The following SLAMF1 variants were observed in gnomAD, a reference collection of about 807,000 sequenced individuals.
The protein encoded by SLAMF1 is signaling lymphocytic activation molecule.
In SLAMF1, 18 loss-of-function variants were observed where a neutral mutation model predicts 35.1. That is an observed-to-expected ratio of 0.51 (90% confidence interval 0.35 to 0.76). The LOEUF (loss-of-function observed/expected upper bound fraction) is 0.76, where lower values mean the gene tolerates loss of function less well. SLAMF1 is among the 30% of genes least tolerant of loss of function. The pLI, the probability that SLAMF1 is intolerant of heterozygous loss-of-function variation, is 0.01. For missense variants in SLAMF1, 392 were observed against 413.0 expected (o/e 0.95, Z 0.44); for synonymous variants, 168 against 157.2 (o/e 1.07, Z -0.51).
intron 3 of SLAMF1, among the ~76,000 whole-genome samples, chr1:160,627,094 G>A (rs1431143430): frequency 6.6e-6 from 1 of 152,192 alleles, no homozygotes; most frequent in Non-Finnish European, 1.5e-5. Flanking sequence ...AGATAGATAA[G>A]TTCAAATTCT....
At chr1:160,626,655 G>A (rs1659896801) in intron 3 of SLAMF1, among the ~76,000 whole-genome samples, 1 of 152,176 alleles carries the variant, frequency 6.6e-6, no homozygotes, top group Non-Finnish European at 1.5e-5. Flanking sequence ...GTCAGTGGCA[G>A]AGCTGGATAA....
At chr1:160,636,713 T>A (rs1660471069) in intron 2 of SLAMF1, among the ~76,000 whole-genome samples, 1 of 152,224 alleles carries the variant, frequency 6.6e-6, no homozygotes, top group Non-Finnish European at 1.5e-5. Context: ...GGCTGAATTT[T>A]AGCCATCTTT....
At chr1:160,634,292 C>T (rs61801586) in intron 3 of SLAMF1, 1 of 488,594 alleles carries the variant, frequency 2.0e-6, no homozygotes, top group Non-Finnish European at 2.7e-6. Flanking sequence ...GCCCTCCCAC[C>T]TGCAATCCCT....
At chr1:160,638,912 C>T (rs1205329809) in intron 1 of SLAMF1, among the ~76,000 whole-genome samples, 1 of 152,200 alleles carries the variant, frequency 6.6e-6, no homozygotes, top group Non-Finnish European at 1.5e-5. Flanking sequence ...TTCTGCTCTT[C>T]TGGACTTCTA....
At chr1:160,636,048 G>C (rs185191038) in intron 2 of SLAMF1, among the ~76,000 whole-genome samples, 72 of 152,226 alleles carry the variant, frequency 4.7e-4, no homozygotes, top group Non-Finnish European at 8.8e-4. Context: ...TCTTCCTTTG[G>C]CTTGAGAAAA....
At chr1:160,640,142 C>T (rs1300942855) in intron 1 of SLAMF1, among the ~76,000 whole-genome samples, 2 of 151,534 alleles carry the variant, frequency 1.3e-5, no homozygotes, top group African/African-American at 2.4e-5. Context: ...TTGTCTCTCC[C>T]ACTAGAATGC....
chr1:160,637,653 A>T (rs1175015052), intron 1 of SLAMF1, 124 bp from the exon 2 acceptor site: 6 of 668,988 alleles, frequency 9.0e-6, no homozygotes, highest in Non-Finnish European at 1.3e-5. Flanking sequence ...TGGGGTTGCC[A>T]AGTCCTTCGT....
chr1:160,636,199 G>A (rs974322824), intron 2 of SLAMF1, among the ~76,000 whole-genome samples: 1 of 152,196 alleles, frequency 6.6e-6, no homozygotes, highest in Non-Finnish European at 1.5e-5. Flanking sequence ...CAGCCTCCAC[G>A]CTCATGGCAG....
intron 3 of SLAMF1, among the ~76,000 whole-genome samples, chr1:160,631,959 A>G (rs1241418814): frequency 6.6e-6 from 1 of 152,136 alleles, no homozygotes; most frequent in African/African-American, 2.4e-5. Flanking sequence ...TGGACACAGA[A>G]ATACACATAG....
At chr1:160,619,905 T>G in intron 4 of SLAMF1, 56 bp from the exon 5 acceptor site, 1 of 1,160,996 alleles carries the variant, frequency 8.6e-7, no homozygotes, top group Non-Finnish European at 1.3e-6. Context: ...AGGAGCTCCT[T>G]ACTCAGACCT....
chr1:160,632,519 T>C (rs1466882336), intron 3 of SLAMF1, among the ~76,000 whole-genome samples: 1 of 152,198 alleles, frequency 6.6e-6, no homozygotes, highest in Non-Finnish European at 1.5e-5. Flanking sequence ...CATGTTTTCT[T>C]AGAACGTCCT....
At position 160,612,509 on chromosome 1, in the gene SLAMF1, C is replaced by T; in HGVS notation, c.936G>A (p.Glu312=). Residue 312 remains glutamate (E), a synonymous_variant, in exon 6 of 7, where the codon GAG becomes GAA. Transcript: ENST00000302035. ...TCACCTGGACAGACTCTGGGACAGGCTCTGTGGCAGCAACATATATGGTGG... is the reference window on the plus strand; with the variant it reads ...TCACCTGGACAGACTCTGGGACAGGTTCTGTGGCAGCAACATATATGGTGG... The part of the protein sequence containing the change: ...PCTTIYVAAT[E]PVPESVQETN... 2.5e-6 allele frequency: 4 copies of T among 1,611,560 alleles called. No homozygotes were observed. Among genetic ancestry groups the T allele is most frequent in the Non-Finnish European group, 1.7e-6 (2 of 1,178,208 alleles).
At chr1:160,638,328 T>A (rs1379275618) in intron 1 of SLAMF1, among the ~76,000 whole-genome samples, 1 of 152,134 alleles carries the variant, frequency 6.6e-6, no homozygotes, top group Non-Finnish European at 1.5e-5. Context: ...AAAGAGAACT[T>A]CCACTTATTA....
At chr1:160,627,216 G>A (rs1404776857) in intron 3 of SLAMF1, among the ~76,000 whole-genome samples, 1 of 152,168 alleles carries the variant, frequency 6.6e-6, no homozygotes, top group African/African-American at 2.4e-5. Context: ...GTGTTGTTCT[G>A]AGAAACCCAT....
chr1:160,631,889 A>T (rs887835830), intron 3 of SLAMF1, among the ~76,000 whole-genome samples: 7 of 152,168 alleles, frequency 4.6e-5, no homozygotes, highest in African/African-American at 1.7e-4. Flanking sequence ...CAGCCCTAGC[A>T]AACTGAGACA....
chr1:160,618,432 G>T (rs889191139), intron 5 of SLAMF1, among the ~76,000 whole-genome samples: 1 of 151,778 alleles, frequency 6.6e-6, no homozygotes, highest in African/African-American at 2.4e-5. Flanking sequence ...GTAAAATGGA[G>T]GAGAGGACTA....
At chr1:160,619,310 C>T (rs72708857) in intron 5 of SLAMF1, among the ~76,000 whole-genome samples, 6,975 of 152,212 alleles carry the variant, frequency 0.046, 226 homozygotes, top group Middle Eastern at 0.12. Context: ...TCTCATCTTT[C>T]ATCTCTTTAA....
intron 3 of SLAMF1, among the ~76,000 whole-genome samples, chr1:160,631,389 G>A (rs952135692): frequency 6.6e-6 from 1 of 152,108 alleles, no homozygotes; most frequent in Non-Finnish European, 1.5e-5. Context: ...AAATTCATAT[G>A]TTGATTTCCT....
chr1:160,619,797 A>G lies in SLAMF1; in HGVS notation c.843T>C (p.Tyr281=), dbSNP rs904458133. The change falls in exon 5 of 7, where the codon TAT becomes TAC. Residue 281 remains tyrosine, a synonymous_variant. Transcript: ENST00000302035. ...TTACACCTGGTTTCTGGACTTGGGC[A>G]TAGATCGTAAGGCTTTTTTTTTCCA... is the stretch of plus-strand genomic sequence containing the variant. The part of the protein sequence containing the change: ...TTVEKKSLTI[Y]AQVQKPGPLQ... 6.2e-7 allele frequency: 1 copy of G among 1,611,584 alleles called. No individual in the cohort carries two copies. The highest frequency in any genetic ancestry group is 8.5e-7 in the Non-Finnish European group (1 of 1,177,648).
Sources: gnomAD v4.1 joint callset for allele counts (sites outside exome capture counted in the v4.1 genomes callset) on GRCh38, gnomAD v4.1.1 for gene constraint, MANE v1.5 for transcripts, NCBI Gene and HGNC (gene_info 2026-07-23, HGNC 2026-07-21) for gene names.